The following TDRD3 variants were observed in gnomAD, a reference collection of about 807,000 sequenced individuals.
TDRD3 encodes the protein tudor domain containing 3.
In TDRD3, 45 loss-of-function variants were observed where a neutral mutation model predicts 86.7. That is an observed-to-expected ratio of 0.52 (90% CI 0.41 to 0.67). The LOEUF (loss-of-function observed/expected upper bound fraction) is 0.67, where lower values mean the gene tolerates loss of function less well. Ranked by LOEUF, TDRD3 falls within the 30% of genes least tolerant of loss-of-function variation. The probability of loss-of-function intolerance (pLI) is 0.00; values close to 1 mark genes in which losing one functional copy is unlikely to be tolerated. For missense variants in TDRD3, 814 were observed against 889.0 expected (o/e 0.92, Z 1.07); for synonymous variants, 298 against 301.7 (o/e 0.99, Z 0.13).
At chr13:60,421,623 G>A (rs1052105341) in intron 1 of TDRD3, among the ~76,000 whole-genome samples, 1 of 152,120 alleles carries the variant, frequency 6.6e-6, no homozygotes, top group Non-Finnish European at 1.5e-5. Context: ...CAAACTATAC[G>A]GATGACTTCA....
chr13:60,546,568 A>G (rs1595100090), intron 12 of TDRD3, among the ~76,000 whole-genome samples: 1 of 152,166 alleles, frequency 6.6e-6, no homozygotes, highest in Non-Finnish European at 1.5e-5. Flanking sequence ...AGTGGTCATG[A>G]AAAGACTGAA....
intron 1 of TDRD3, among the ~76,000 whole-genome samples, chr13:60,404,895 G>C (rs1350583125): frequency 1.3e-5 from 2 of 152,152 alleles, no homozygotes; most frequent in African/African-American, 4.8e-5. Flanking sequence ...TATGGGGATG[G>C]GTCTTTCCCA....
chr13:60,503,584 A>G (rs575084463), intron 8 of TDRD3, among the ~76,000 whole-genome samples: 1 of 152,214 alleles, frequency 6.6e-6, no homozygotes, highest in African/African-American at 2.4e-5. Flanking sequence ...AATCCTGTTT[A>G]TCTCTTCTCT....
intron 12 of TDRD3, 139 bp from the exon 13 acceptor site, chr13:60,567,386 C>G (rs573771966): frequency 1.9e-6 from 2 of 1,030,892 alleles, no homozygotes; most frequent in African/African-American, 3.3e-5. Context: ...CCTTGCCTCC[C>G]TCTGTTGTAA....
In TDRD3 at chr13:60,528,908, T is replaced by C; in HGVS notation, c.1683T>C (p.Gly561=). The change falls in exon 11 of 14, where the codon GGT becomes GGC. Residue 561 remains glycine, a synonymous_variant. Transcript: ENST00000377881. ...CAATAAATAATGAAGCTTTCAGTGG[T>C]ATAAAAATTGAAAAACATTTTAATG... ...SQTINNEAFS[G]IKIEKHFNVN... 2 of 1,612,790 alleles carry C rather than the reference T, an allele frequency of 1.2e-6. No homozygotes were observed. The highest frequency in any genetic ancestry group is 1.7e-6 in the Non-Finnish European group (2 of 1,179,560).
Position 60,483,843 on chromosome 13 carries a change from A to G in TDRD3, c.564A>G (p.Gly188=), listed in dbSNP as rs1041310906. ...GACCACCGCCTTTTGTGCCTTTTGG[A>G]CAGGTAATGACTTTTGTGTTGGCAG... ...EGGPPPFVPF[G]QKCVSHVQVD... The change falls in exon 6 of 14, where the codon GGA becomes GGG. Residue 188 remains glycine, a synonymous_variant. Coordinates refer to ENST00000377881, the MANE Select transcript of TDRD3 (RefSeq NM_001146070.2). 6.2e-7 allele frequency: 1 copy of G among 1,612,440 alleles called. No individual in the cohort carries two copies. The highest frequency in any genetic ancestry group is 1.7e-5 in the Admixed American group (1 of 59,724).
At chr13:60,396,145 T>C (rs749041497), upstream of TDRD3, among the ~76,000 whole-genome samples, 13 of 152,324 alleles carry the variant, frequency 8.5e-5, no homozygotes, top group Middle Eastern at 3.4e-3. Flanking sequence ...GCTCCAAGTC[T>C]GTTTTTGATG....
chr13:60,434,432 C>G (rs1441591206), intron 1 of TDRD3, among the ~76,000 whole-genome samples: 1 of 148,634 alleles, frequency 6.7e-6, no homozygotes, highest in African/African-American at 2.5e-5. Flanking sequence ...TGTGCCACCG[C>G]ATTCCAGCCT....
At chr13:60,467,134 C>T (rs1955960068) in intron 4 of TDRD3, 104 bp from the exon 5 acceptor site, 13 of 1,356,506 alleles carry the variant, frequency 9.6e-6, no homozygotes, top group Admixed American at 2.2e-5. Flanking sequence ...GCTCTCCCTC[C>T]CACTACCCCA....
intron 10 of TDRD3, 87 bp downstream of exon 10, chr13:60,510,842 A>G: frequency 1.6e-6 from 2 of 1,267,682 alleles, no homozygotes; most frequent in Admixed American, 2.9e-5. Flanking sequence ...TAAAAGACCA[A>G]ACTTTATTTA....
At position 60,561,867 on chromosome 13, in the gene TDRD3, TTGTTG is replaced by T. The variant is rs1399008225; in HGVS notation, c.2119-5656_2119-5652del. 4.5e-3 allele frequency among the ~76,000 whole-genome samples: 477 copies of T among 105,654 alleles called. 4 individuals are homozygous for T. Among genetic ancestry groups the T allele is most frequent in the South Asian group, 0.025 (68 of 2,702 alleles). The allele number at this position is 105,654 out of a possible 152,430, so 69.3% of individuals were successfully genotyped here. On this transcript the variant is annotated intron_variant, in intron 12 of 13. Coordinates refer to ENST00000377881, the MANE Select transcript of TDRD3 (RefSeq NM_001146070.2). ...GGCTACTATGGGCCCAGGTTTTTTG[TTGTTG>T]TTGTTGTTGTTGTTGTTGTTGTTTG...
intron 4 of TDRD3, among the ~76,000 whole-genome samples, chr13:60,465,221 A>T (rs1450128503): frequency 6.6e-6 from 1 of 152,210 alleles, no homozygotes; most frequent in Non-Finnish European, 1.5e-5. Flanking sequence ...AAATGATCTA[A>T]TTCATTAGCA....
At chr13:60,525,096 A>AAC (rs1248500829) in intron 10 of TDRD3, among the ~76,000 whole-genome samples, 8 of 149,422 alleles carry the variant, frequency 5.4e-5, no homozygotes, top group African/African-American at 1.7e-4. Context: ...CAAAAAAAAA[A>AAC]AAAAAAAAAA....
intron 3 of TDRD3, among the ~76,000 whole-genome samples, chr13:60,456,881 AG>A (rs1955687321): frequency 6.6e-6 from 1 of 151,990 alleles, no homozygotes; most frequent in South Asian, 2.1e-4. Flanking sequence ...TTTTTTGTAG[AG>A]ATGGGGTCTC....
At chr13:60,446,990 G>A (rs2137991650) in intron 3 of TDRD3, among the ~76,000 whole-genome samples, 1 of 152,220 alleles carries the variant, frequency 6.6e-6, no homozygotes, top group African/African-American at 2.4e-5. Flanking sequence ...ATAAGATACA[G>A]GACAACAGTT....
intron 3 of TDRD3, among the ~76,000 whole-genome samples, chr13:60,452,592 T>C (rs1371719225): frequency 6.6e-6 from 1 of 152,044 alleles, no homozygotes; most frequent in Non-Finnish European, 1.5e-5. Flanking sequence ...TCATTTAGTG[T>C]AATATTTTTT....
intron 1 of TDRD3, among the ~76,000 whole-genome samples, chr13:60,408,687 G>T (rs1355277700): frequency 2.7e-4 from 41 of 152,184 alleles, no homozygotes; most frequent in Non-Finnish European, 1.5e-5. Flanking sequence ...TTTCTAAGCA[G>T]CATAGCATTC....
chr13:60,504,772 G>T (rs1956900390), intron 8 of TDRD3, among the ~76,000 whole-genome samples: 1 of 152,168 alleles, frequency 6.6e-6, no homozygotes, highest in Non-Finnish European at 1.5e-5. Context: ...TAGACAGTGT[G>T]TGCAGCCCAT....
Position 60,527,158 on chromosome 13 carries a change from T to A in TDRD3, c.1142-1209T>A, listed in dbSNP as rs534643361. On this transcript the variant is annotated intron_variant, in intron 10 of 13. Coordinates refer to ENST00000377881, the MANE Select transcript of TDRD3 (RefSeq NM_001146070.2). ...CCTGACCACTTTGAGTCTTGATCTT[T>A]AATCAGTGACCTGTTTTGTCACTCA... Among the ~76,000 whole-genome samples the A allele has an allele frequency of 2.0e-5, 3 of 152,304 alleles. No homozygotes were observed. The South Asian group carries it at 6.2e-4, about 32-fold the overall frequency.
Sources: gnomAD v4.1 joint callset for allele counts (sites outside exome capture counted in the v4.1 genomes callset) on GRCh38, gnomAD v4.1.1 for gene constraint, MANE v1.5 for transcripts, NCBI Gene and HGNC (gene_info 2026-07-23, HGNC 2026-07-21) for gene names.